The following STK26 variants were observed in gnomAD, a reference collection of about 807,000 sequenced individuals.
The protein encoded by STK26 is serine/threonine-protein kinase 26.
In STK26, 14 loss-of-function variants were observed where a neutral mutation model predicts 34.7. The observed-to-expected ratio is 0.40, with a 90% CI of 0.27 to 0.63. STK26 has a LOEUF of 0.63. Among genes scored for constraint, STK26 ranks in the 30% least tolerant of loss-of-function variants. The pLI is 0.38. For missense variants in STK26, 226 were observed against 309.1 expected, an observed-to-expected ratio of 0.73 and a Z score of 2.02; for synonymous variants, 100 against 109.8, an observed-to-expected ratio of 0.91 and a Z score of 0.56.
chrX:132,058,519 TTCAATAC>T (rs1219496876), intron 3 of STK26, among the ~76,000 whole-genome samples: 2 of 111,771 alleles, frequency 1.8e-5, no homozygotes, highest in Non-Finnish European at 3.8e-5. Context: ...TTTATTCATA[TTCAATAC>T]TCCCATGGAA....
chrX:132,072,698 A>G, intron 9 of STK26, 115 bp from the exon 10 acceptor site: 1 of 771,281 alleles, frequency 1.3e-6, no homozygotes, highest in South Asian at 2.5e-5. Context: ...CTTGCCTTGC[A>G]TACAATCTTT....
intron 2 of STK26, among the ~76,000 whole-genome samples, chrX:132,036,818 A>G (rs922480928): frequency 8.9e-6 from 1 of 112,150 alleles, no homozygotes; most frequent in Non-Finnish European, 1.9e-5. Context: ...CACATGAAGT[A>G]TATTTTACAT....
At chrX:132,027,270 G>T (rs1004112581) in intron 2 of STK26, among the ~76,000 whole-genome samples, 2 of 111,429 alleles carry the variant, frequency 1.8e-5, no homozygotes, top group Non-Finnish European at 3.8e-5. Flanking sequence ...TCTGTTTTTC[G>T]CTTTCCATAC....
At chrX:132,037,249 G>A (rs1356821679) in intron 2 of STK26, among the ~76,000 whole-genome samples, 3 of 111,791 alleles carry the variant, frequency 2.7e-5, no homozygotes, top group Admixed American at 9.5e-5. Flanking sequence ...TACACATGAT[G>A]CACTTTTATT....
At chrX:132,026,509 A>C (rs777337722) in intron 2 of STK26, among the ~76,000 whole-genome samples, 6 of 111,946 alleles carry the variant, frequency 5.4e-5, no homozygotes, top group East Asian at 2.8e-4. Context: ...TTAAAAAAAA[A>C]CCAATAAACC....
intron 2 of STK26, among the ~76,000 whole-genome samples, chrX:132,043,251 C>A (rs1460156414): frequency 8.9e-6 from 1 of 111,864 alleles, no homozygotes; most frequent in African/African-American, 3.2e-5. Context: ...GGGGCTGCTG[C>A]CTTAAATTCT....
At chrX:132,057,369 A>G (rs955929768) in intron 3 of STK26, among the ~76,000 whole-genome samples, 2 of 111,607 alleles carry the variant, frequency 1.8e-5, no homozygotes, top group African/African-American at 6.5e-5. Flanking sequence ...AGTGATACCA[A>G]TAGCCTCCAC....
chrX:132,053,453 A>G (rs186743782), intron 2 of STK26, among the ~76,000 whole-genome samples: 64 of 112,128 alleles, frequency 5.7e-4, no homozygotes, highest in Admixed American at 3.1e-3. Context: ...TTTGGTGATC[A>G]TGGTGCAATG....
At chrX:132,050,910 C>G (rs908463871) in intron 2 of STK26, among the ~76,000 whole-genome samples, 13 of 111,718 alleles carry the variant, frequency 1.2e-4, no homozygotes, top group African/African-American at 3.9e-4. Flanking sequence ...GTTCAAATGA[C>G]TACACAGGAA....
At chrX:132,060,605 G>T (rs1449392102) in intron 3 of STK26, among the ~76,000 whole-genome samples, 7 of 105,253 alleles carry the variant, frequency 6.7e-5, no homozygotes, top group Admixed American at 2.0e-4. Flanking sequence ...TTTTTTTTTT[G>T]TTTTGTTTTT....
At chrX:132,053,590 G>A (rs2124168902) in intron 2 of STK26, among the ~76,000 whole-genome samples, 1 of 112,025 alleles carries the variant, frequency 8.9e-6, no homozygotes, top group African/African-American at 3.2e-5. Context: ...TAAAACTGTA[G>A]TAAATGAACA....
intron 6 of STK26, 54 bp from the exon 7 acceptor site, chrX:132,069,410 CATATATATATATAT>C (rs57609807): frequency 0.013 from 1,185 of 93,570 alleles, 44 homozygotes; most frequent in African/African-American, 0.065. Context: ...CATACATACA[CATATATATATATAT>C]ATATATATAT....
At chrX:132,037,774 T>TTTTTTTTTTTTA (rs1341207228) in intron 2 of STK26, among the ~76,000 whole-genome samples, 1 of 101,406 alleles carries the variant, frequency 9.9e-6, no homozygotes, top group African/African-American at 3.7e-5. Context: ...AGCTGCTTTT[T>TTTTTTTTTTTTA]TTTTTTTTTT....
At chrX:132,047,877 A>AT (rs1320823268) in intron 2 of STK26, among the ~76,000 whole-genome samples, 1 of 111,510 alleles carries the variant, frequency 9.0e-6, no homozygotes, top group East Asian at 2.8e-4. Flanking sequence ...TATGAGGTCA[A>AT]TTTTTTATAT....
chrX:132,043,664 G>C (rs1286339083), intron 2 of STK26, among the ~76,000 whole-genome samples: 2 of 111,616 alleles, frequency 1.8e-5, no homozygotes, highest in East Asian at 5.6e-4. Flanking sequence ...ATTTACAGCA[G>C]AGTGGTATGC....
intron 2 of STK26, among the ~76,000 whole-genome samples, chrX:132,031,131 T>A (rs918120183): frequency 9.0e-6 from 1 of 110,563 alleles, no homozygotes; most frequent in Admixed American, 9.6e-5. Flanking sequence ...AAATTTGGGG[T>A]TTCACCATGT....
chrX:132,040,661 A>G (rs1319443787), intron 2 of STK26, among the ~76,000 whole-genome samples: 1 of 111,952 alleles, frequency 8.9e-6, no homozygotes, highest in Admixed American at 9.5e-5. Flanking sequence ...TTAGATGGCC[A>G]CATCTATTAG....
At chrX:132,070,319 A>G (rs1246452786) in intron 7 of STK26, among the ~76,000 whole-genome samples, 3 of 111,928 alleles carry the variant, frequency 2.7e-5, no homozygotes, top group Non-Finnish European at 3.8e-5. Context: ...GGCATGAGCC[A>G]CTGTGCCTGG....
rs1926275711 is a variant in STK26 at position 132,041,763 on chromosome X, C to A, written c.43-12868C>A. On this transcript the variant is annotated intron_variant, in intron 2 of 11. Transcript: ENST00000394334. Reference sequence around the variant, plus strand: ...AGCATTTTTTTTTAAGGAAAAAGATCAACTTTTGTATATGTATTCAGATTT... The same window carrying A: ...AGCATTTTTTTTTAAGGAAAAAGATAAACTTTTGTATATGTATTCAGATTT... Among the ~76,000 whole-genome samples the A allele has an allele frequency of 3.6e-5, 4 of 110,334 alleles. No individual in the cohort carries two copies. In the South Asian group the frequency reaches 1.5e-3, roughly 42 times the overall value.
Sources: allele counts gnomAD v4.1 joint callset (sites outside exome capture counted in the v4.1 genomes callset), GRCh38; gene constraint gnomAD v4.1.1; transcripts MANE v1.5; gene names NCBI Gene and HGNC (gene_info 2026-07-23, HGNC 2026-07-21).